The following AXDND1 variants were observed in gnomAD, a reference collection of about 807,000 sequenced individuals.
AXDND1 encodes the protein axonemal dynein light chain domain containing 1.
Under a neutral mutation model 137.5 loss-of-function variants are expected in AXDND1, and 110 were observed. That is an observed-to-expected ratio of 0.80 (90% CI 0.69 to 0.94). The LOEUF is 0.94. Among genes scored for constraint, AXDND1 ranks in the 40% least tolerant of loss-of-function variants. AXDND1 has a pLI of 0.00. For synonymous variants in AXDND1, 414 were observed against 399.7 expected (o/e 1.04, Z -0.43); for missense variants, 1,191 against 1,169.8 (o/e 1.02, Z -0.26).
chr1:179,398,893 A>T (rs947793257), intron 11 of AXDND1, among the ~76,000 whole-genome samples: 8 of 152,148 alleles, frequency 5.3e-5, no homozygotes, highest in African/African-American at 1.9e-4. Context: ...GTGGAAGGGC[A>T]GAATGTACTA....
chr1:179,476,193 T>C (rs1664601925), intron 17 of AXDND1, among the ~76,000 whole-genome samples: 1 of 152,166 alleles, frequency 6.6e-6, no homozygotes, highest in Admixed American at 6.5e-5. Flanking sequence ...TAATACAATA[T>C]TACAAACACA....
At chr1:179,391,530 TTTAC>T (rs1276446870) in intron 9 of AXDND1, among the ~76,000 whole-genome samples, 14 of 53,548 alleles carry the variant, frequency 2.6e-4, no homozygotes, top group African/African-American at 9.8e-4. Flanking sequence ...TATTTATTTA[TTTAC>T]TTATTTATTT....
chr1:179,476,737 C>T (rs1266560782), intron 17 of AXDND1, among the ~76,000 whole-genome samples: 1 of 152,110 alleles, frequency 6.6e-6, no homozygotes, highest in African/African-American at 2.4e-5. Flanking sequence ...TATTGGGACT[C>T]CCTTGTAAGT....
At chr1:179,520,351 T>A (rs2125672556) in intron 21 of AXDND1, among the ~76,000 whole-genome samples, 1 of 152,306 alleles carries the variant, frequency 6.6e-6, no homozygotes, top group East Asian at 1.9e-4. Context: ...TTGACTTTCT[T>A]ACGATACATT....
intron 9 of AXDND1, 54 bp from the exon 10 acceptor site, chr1:179,393,849 A>T: frequency 6.8e-7 from 1 of 1,478,700 alleles, no homozygotes; most frequent in Non-Finnish European, 9.0e-7. Context: ...TAACCTGAGA[A>T]TTTACTAAAT....
At chr1:179,466,885 CT>C (rs1163123961) in intron 16 of AXDND1, among the ~76,000 whole-genome samples, 4 of 152,126 alleles carry the variant, frequency 2.6e-5, no homozygotes, top group African/African-American at 9.7e-5. Flanking sequence ...CAAGCAGGGA[CT>C]GAGCTGAAAT....
intron 21 of AXDND1, among the ~76,000 whole-genome samples, chr1:179,522,767 A>G (rs1389859774): frequency 6.6e-6 from 1 of 151,138 alleles, no homozygotes; most frequent in Non-Finnish European, 1.5e-5. Flanking sequence ...GTAGTGTTCA[A>G]ATATTTTATA....
At chr1:179,456,121 G>A in intron 16 of AXDND1, 1 of 535,680 alleles carries the variant, frequency 1.9e-6, no homozygotes, top group South Asian at 1.5e-5. Context: ...TAGCACCTAG[G>A]CCCTGCTACC....
chr1:179,410,520 G>A (rs370022953), intron 11 of AXDND1, among the ~76,000 whole-genome samples: 1 of 152,150 alleles, frequency 6.6e-6, no homozygotes, highest in Non-Finnish European at 1.5e-5. Flanking sequence ...GAGCCACTGC[G>A]CCCAGCCAGG....
intron 4 of AXDND1, among the ~76,000 whole-genome samples, chr1:179,374,764 G>C (rs1035975396): frequency 4.2e-5 from 6 of 142,076 alleles, no homozygotes; most frequent in Admixed American, 7.6e-5. Flanking sequence ...TCATAGGTGG[G>C]AATTGAACAA....
At position 179,457,375 on chromosome 1, in the gene AXDND1, G is replaced by A. The variant is rs557706825; in HGVS notation, c.1799-11068G>A. Reference sequence around the variant, plus strand: ...GAGACTTTAATGATGCTTCTTCGGCGGCGTCCAGGGGCAGAAAGGCAAGAC... The same window carrying A: ...GAGACTTTAATGATGCTTCTTCGGCAGCGTCCAGGGGCAGAAAGGCAAGAC... On this transcript the variant is annotated intron_variant, in intron 16 of 25. Coordinates refer to ENST00000367618, the MANE Select transcript of AXDND1 (RefSeq NM_144696.6). 39 of 438,516 alleles carry A rather than the reference G, an allele frequency of 8.9e-5. 1 individual carries two copies. The South Asian group carries it at 1.5e-3, about 17-fold the overall frequency. The allele number at this position is 438,516 out of a possible 1,614,324, so 27.2% of individuals were successfully genotyped here.
chr1:179,504,530 TA>T (rs1467790853), intron 20 of AXDND1, among the ~76,000 whole-genome samples: 1 of 152,154 alleles, frequency 6.6e-6, no homozygotes, highest in African/African-American at 2.4e-5. Context: ...TATCTCCCTA[TA>T]AAAGTTAAGG....
Position 179,525,437 on chromosome 1 carries a change from G to A in AXDND1, c.2600G>A (p.Arg867Lys). 3 of 1,608,922 alleles carry A rather than the reference G, an allele frequency of 1.9e-6. No homozygotes were observed. The South Asian group carries it at 3.3e-5, about 18-fold the overall frequency. Residue 867 changes from arginine to lysine, a missense_variant, in exon 22 of 26, where the codon AGA (arginine) becomes AAA (lysine). Arg to Lys is a conservative substitution (Grantham distance 26, BLOSUM62 2). Coordinates refer to ENST00000367618, the MANE Select transcript of AXDND1 (RefSeq NM_144696.6). ...AAACTTCAGGAGGAAAATAAAGAGA[G>A]AGCAGAAGAAGTAAGATTATTTGGT... is the stretch of plus-strand genomic sequence containing the variant. ...DRKLQEENKE[R>K]AEEQPSTSTE...
chr1:179,423,995 T>C (rs1210810617), intron 12 of AXDND1, among the ~76,000 whole-genome samples: 1 of 152,160 alleles, frequency 6.6e-6, no homozygotes, highest in East Asian at 1.9e-4. Context: ...TCTTTTAGAT[T>C]GAAGAACTCC....
chr1:179,511,163 T>A (rs1572129438), intron 21 of AXDND1, among the ~76,000 whole-genome samples: 1 of 149,850 alleles, frequency 6.7e-6, no homozygotes, highest in South Asian at 2.1e-4. Context: ...TGAGACTCTG[T>A]CCCCCACAAA....
At chr1:179,381,369 A>T in intron 6 of AXDND1, among the ~76,000 whole-genome samples, 1 of 127,252 alleles carries the variant, frequency 7.9e-6, no homozygotes, top group Admixed American at 8.3e-5. Context: ...TTTGAGACAA[A>T]GTCTTGCTTT....
intron 16 of AXDND1, among the ~76,000 whole-genome samples, chr1:179,461,577 A>G (rs1307205427): frequency 6.6e-6 from 1 of 152,098 alleles, no homozygotes; most frequent in Non-Finnish European, 1.5e-5. Flanking sequence ...GTTTTTTCCA[A>G]TTCTGTGAAG....
rs749140658 is a variant in AXDND1 at position 179,366,507 on chromosome 1, A to G, written c.-3A>G. On this transcript the variant is annotated 5_prime_UTR_variant, in exon 2 of 26. Transcript: ENST00000367618. ...ACTAAAGAGATAGGAGGCATTGTTT[A>G]TTATGTCTCTCCCGAAAACGCCCTC... is the stretch of plus-strand genomic sequence containing the variant. 2 of 1,606,888 alleles carry G rather than the reference A, an allele frequency of 1.2e-6. No homozygotes were observed. The highest frequency in any genetic ancestry group is 4.5e-5 in the East Asian group (2 of 44,806).
chr1:179,433,547 C>A (rs113498333), intron 15 of AXDND1, among the ~76,000 whole-genome samples: 24 of 152,120 alleles, frequency 1.6e-4, no homozygotes, highest in Admixed American at 5.9e-4. Context: ...GTGTCCCAGA[C>A]ATTCTGGTGT....
Sources: gnomAD v4.1 joint callset for allele counts (sites outside exome capture counted in the v4.1 genomes callset) on GRCh38, gnomAD v4.1.1 for gene constraint, MANE v1.5 for transcripts, NCBI Gene and HGNC (gene_info 2026-07-23, HGNC 2026-07-21) for gene names.